Variants in SUMF2 observed in about 807,000 individuals in gnomAD.
SUMF2 encodes sulfatase modifying factor 2, also known as inactive C-alpha-formylglycine-generating enzyme 2.
In SUMF2, 45 loss-of-function variants were observed where a neutral mutation model predicts 44.8. The observed-to-expected ratio is 1.00, with a 90% CI of 0.79 to 1.29. SUMF2 has a LOEUF of 1.29. SUMF2 is among the 50% of genes most tolerant of loss of function. The pLI is 0.00. For missense variants in SUMF2, 418 were observed against 389.9 expected, an observed-to-expected ratio of 1.07 and a Z score of -0.61; for synonymous variants, 148 against 150.4, an observed-to-expected ratio of 0.98 and a Z score of 0.12.
downstream of SUMF2, chr7:56,083,571 C>T: frequency 1.3e-6 from 2 of 1,492,784 alleles, no homozygotes; most frequent in Non-Finnish European, 1.9e-6. Flanking sequence ...TGTGCACGCC[C>T]TGCCTCCCCT....
chr7:56,083,562 G>T (rs1212626153), downstream of SUMF2: 5 of 1,495,502 alleles, frequency 3.3e-6, no homozygotes, highest in Non-Finnish European at 3.7e-6. Flanking sequence ...GCCCAGACAT[G>T]TGCACGCCCT....
chr7:56,076,978 G>T (rs887370622), intron 6 of SUMF2, 89 bp downstream of exon 6: 14 of 1,310,696 alleles, frequency 1.1e-5, no homozygotes, highest in Admixed American at 6.6e-5. Flanking sequence ...CATCCAGAAG[G>T]CTTGGGTTCT....
At chr7:56,075,551 T>C (rs938122223) in intron 5 of SUMF2, among the ~76,000 whole-genome samples, 32 of 150,924 alleles carry the variant, frequency 2.1e-4, no homozygotes, top group Admixed American at 2.0e-3. Context: ...AAAAAAAAAT[T>C]AGCTGGGCTT....
chr7:56,073,843 CA>C (rs372063409), intron 3 of SUMF2: 35 of 295,742 alleles, frequency 1.2e-4, no homozygotes, highest in East Asian at 3.1e-4. Context: ...CCCATATCTA[CA>C]AAAAAAAGAA....
intron 5 of SUMF2, among the ~76,000 whole-genome samples, chr7:56,076,038 T>C (rs890215114): frequency 9.5e-5 from 14 of 148,092 alleles, no homozygotes; most frequent in African/African-American, 3.0e-4. Flanking sequence ...ATTTTTTTTT[T>C]TTTTTTGAGA....
At chr7:56,087,773 G>C in the SUMF2 span, 1 of 1,610,074 alleles carries the variant, frequency 6.2e-7, no homozygotes, top group South Asian at 1.1e-5. Context: ...CACTGCTAAC[G>C]CCCCTGGGAG....
Position 56,074,603 on chromosome 7 carries a change from T to A in SUMF2, c.402T>A (p.Ser134=). The A allele has an allele frequency of 6.2e-7, 1 of 1,614,106 alleles. No homozygotes were observed. Among genetic ancestry groups the A allele is most frequent in the Non-Finnish European group, 8.5e-7 (1 of 1,179,992 alleles). Residue 134 remains serine, a synonymous_variant, in exon 5 of 9, where the codon TCT becomes TCA. Coordinates refer to ENST00000434526, the MANE Select transcript of SUMF2 (RefSeq NM_015411.4). Reference sequence around the variant, plus strand: ...GCTGTCAGCCTGCAGGTCCTGGCTCTGGCATCCGAGAGAGACTGGAGCACC... The same window carrying A: ...GCTGTCAGCCTGCAGGTCCTGGCTCAGGCATCCGAGAGAGACTGGAGCACC... ...AFWRQPAGPG[S]GIRERLEHPV...
intron 8 of SUMF2, chr7:56,078,819 G>A (rs1464487034): frequency 1.2e-5 from 5 of 434,538 alleles, no homozygotes; most frequent in Non-Finnish European, 2.0e-5. Context: ...GCAAAGGGAG[G>A]GAAGTAGAAT....
rs1464969406 is a variant in SUMF2, at chr7:56,080,445, G to A, written c.*833G>A. Reference sequence around the variant, plus strand: ...TGCCTGGCTAATTTTTTGAATTTTTGTAGTGATGGGATCTCGCTCTGTTGC... The same window carrying A: ...TGCCTGGCTAATTTTTTGAATTTTTATAGTGATGGGATCTCGCTCTGTTGC... On this transcript the variant is annotated 3_prime_UTR_variant, in exon 9 of 9. Coordinates refer to ENST00000434526, the MANE Select transcript of SUMF2 (RefSeq NM_015411.4). 6.3e-6 allele frequency: 1 copy of A among 158,156 alleles called. No individual in the cohort carries two copies. Among genetic ancestry groups the A allele is most frequent in the African/African-American group, 2.4e-5 (1 of 41,296 alleles). The allele number at this position is 158,156 out of a possible 1,614,324, so 9.8% of individuals were successfully genotyped here. A position where few individuals can be genotyped will look rare whatever the true frequency, so the allele number is the denominator to read the frequency against.
downstream of SUMF2, chr7:56,082,297 G>T: frequency 1.3e-6 from 2 of 1,491,060 alleles, no homozygotes; most frequent in Non-Finnish European, 1.9e-6. Flanking sequence ...AGGGCACTCA[G>T]AAGAGGAAGT....
chr7:56,074,462 C>T (rs1795397604), intron 4 of SUMF2, 124 bp from the exon 5 acceptor site: 1 of 1,326,806 alleles, frequency 7.5e-7, no homozygotes, highest in Non-Finnish European at 1.0e-6. Context: ...GGTCACTCAC[C>T]CGGCTCTCTT....
At chr7:56,079,075 T>C (rs1490915636) in intron 8 of SUMF2, 1 of 533,956 alleles carries the variant, frequency 1.9e-6, no homozygotes, top group Non-Finnish European at 3.4e-6. Context: ...GTTTTTGCCA[T>C]GCTGCCTAGG....
downstream of SUMF2, chr7:56,081,205 T>C (rs375616345): frequency 3.2e-5 from 51 of 1,613,752 alleles, no homozygotes; most frequent in African/African-American, 5.3e-5. This position sits in a 1 kb window ranked among gnomAD's most constrained non-coding sequence, Gnocchi z 4.6. Context: ...CCGGAGGGCA[T>C]AGGGGTCTCG....
the SUMF2 span, among the ~76,000 whole-genome samples, chr7:56,086,238 A>C: frequency 1.9e-4 from 29 of 151,548 alleles, no homozygotes; most frequent in Non-Finnish European, 2.8e-4. Context: ...ATGTTCCAAG[A>C]CCCCCAGTGG....
downstream of SUMF2, chr7:56,083,159 G>T: frequency 1.2e-6 from 1 of 869,550 alleles, no homozygotes; most frequent in Non-Finnish European, 1.7e-6. Context: ...CCTTGAAATG[G>T]TGGAATTTTT....
the SUMF2 span, among the ~76,000 whole-genome samples, chr7:56,087,224 A>ATTATT: frequency 1.4e-5 from 2 of 147,708 alleles, no homozygotes; most frequent in African/African-American, 4.9e-5. Context: ...TATTATTATT[A>ATTATT]TTATTATTAT....
At chr7:56,064,642 G>C (rs1794626022) in intron 1 of SUMF2, among the ~76,000 whole-genome samples, 1 of 151,964 alleles carries the variant, frequency 6.6e-6, no homozygotes, top group Non-Finnish European at 1.5e-5. Flanking sequence ...GGGAGGCCGA[G>C]GCGGGTGGAT....
chr7:56,065,232 G>C (rs1211337457), intron 1 of SUMF2, among the ~76,000 whole-genome samples: 1 of 147,554 alleles, frequency 6.8e-6, no homozygotes, highest in Non-Finnish European at 1.5e-5. Context: ...AGAATATAAC[G>C]AGGAACGACC....
At chr7:56,066,082 C>CAAAAAAAAAAAAAAAAAAAAAATA in intron 1 of SUMF2, among the ~76,000 whole-genome samples, 1 of 69,688 alleles carries the variant, frequency 1.4e-5, no homozygotes. Context: ...CTCCGCCTCA[C>CAAAAAAAAAAAAAAAAAAAAAATA]AAAAAAAAAA....
Sources: gnomAD v4.1 joint callset for allele counts (sites outside exome capture counted in the v4.1 genomes callset) on GRCh38, gnomAD v4.1.1 for gene constraint, Gnocchi (gnomAD v3.1) non-coding constraint, MANE v1.5 for transcripts, NCBI Gene and HGNC (gene_info 2026-07-23, HGNC 2026-07-21) for gene names.